The following CACNA2D1 variants were observed in gnomAD, a reference collection of about 807,000 sequenced individuals.
The protein encoded by CACNA2D1 is voltage-dependent calcium channel subunit alpha-2/delta-1.
CACNA2D1 carries 53 observed loss-of-function variants against 171.5 expected under a neutral mutation model. That is an observed-to-expected ratio of 0.31 (90% CI 0.25 to 0.39). CACNA2D1 has a LOEUF of 0.39. Among genes scored for constraint, CACNA2D1 ranks in the 10% least tolerant of loss-of-function variants. The pLI, the probability that CACNA2D1 is intolerant of heterozygous loss-of-function variation, is 1.00. For synonymous variants in CACNA2D1, 442 were observed against 443.1 expected, an observed-to-expected ratio of 1.00 and a Z score of 0.03; for missense variants, 903 against 1,299.8, an observed-to-expected ratio of 0.69 and a Z score of 4.69.
chr7:82,291,150 A>G (rs1462092007), intron 3 of CACNA2D1, among the ~76,000 whole-genome samples: 1 of 131,254 alleles, frequency 7.6e-6, no homozygotes, highest in Non-Finnish European at 1.5e-5. Context: ...ACTTGTACAT[A>G]TAATTCTATA....
intron 21 of CACNA2D1, among the ~76,000 whole-genome samples, chr7:81,985,220 A>C (rs1279858714): frequency 1.7e-5 from 1 of 59,174 alleles, no homozygotes; most frequent in Admixed American, 2.1e-4. Flanking sequence ...TTTTTTTTGG[A>C]GACAAGGTCT....
chr7:82,420,931 A>G (rs1212493661), intron 1 of CACNA2D1, among the ~76,000 whole-genome samples: 1 of 152,068 alleles, frequency 6.6e-6, no homozygotes, highest in Non-Finnish European at 1.5e-5. Context: ...CTTCAAGTCC[A>G]TATCCTTCAA....
At chr7:82,301,404 C>T (rs978196015) in intron 3 of CACNA2D1, among the ~76,000 whole-genome samples, 15 of 152,042 alleles carry the variant, frequency 9.9e-5, no homozygotes, top group African/African-American at 3.6e-4. Flanking sequence ...GGATTATAAG[C>T]GTGAGCCACC....
At chr7:81,996,487 GC>G (rs1289746535) in intron 19 of CACNA2D1, among the ~76,000 whole-genome samples, 1 of 151,828 alleles carries the variant, frequency 6.6e-6, no homozygotes, top group African/African-American at 2.4e-5. Flanking sequence ...GAATGCAAGA[GC>G]CAAGTTCTGC....
chr7:82,243,200 T>G (rs1804523780), intron 3 of CACNA2D1, among the ~76,000 whole-genome samples: 1 of 152,154 alleles, frequency 6.6e-6, no homozygotes, highest in African/African-American at 2.4e-5. Flanking sequence ...CTTCTTTAAC[T>G]TTTACCTCTG....
At chr7:82,407,822 T>C (rs1328469088) in intron 1 of CACNA2D1, among the ~76,000 whole-genome samples, 2 of 152,232 alleles carry the variant, frequency 1.3e-5, no homozygotes, top group South Asian at 2.1e-4. Context: ...ATCATTTCTA[T>C]TGAACTGATA....
rs546158679 is a variant in CACNA2D1, at chr7:82,325,124, CAT to C, written c.294+10009_294+10010del. Reference sequence around the variant, plus strand: ...GTTCTACTAACTGTAATGTAAATCACATGTTATTTTGTTAAAAACATTGAGAT... The same window carrying C: ...GTTCTACTAACTGTAATGTAAATCACGTTATTTTGTTAAAAACATTGAGAT... On this transcript the variant is annotated intron_variant, in intron 3 of 38. Transcript: ENST00000356860. Among the ~76,000 whole-genome samples, 144 of 152,290 alleles carry C rather than the reference CAT, an allele frequency of 9.5e-4. No individual in the cohort carries two copies. The Middle Eastern group carries it at 0.01, about 11-fold the overall frequency.
chr7:82,156,549 ATT>A (rs1794392821), intron 4 of CACNA2D1, among the ~76,000 whole-genome samples: 1 of 152,078 alleles, frequency 6.6e-6, no homozygotes, highest in African/African-American at 2.4e-5. Context: ...AAAAAAGAAA[ATT>A]ATATATCCTC....
At chr7:82,144,251 C>T (rs1365366878) in intron 4 of CACNA2D1, among the ~76,000 whole-genome samples, 1 of 151,946 alleles carries the variant, frequency 6.6e-6, no homozygotes, top group African/African-American at 2.4e-5. Flanking sequence ...ATACTAATAC[C>T]ATACTTCCTA....
chr7:82,325,496 C>A (rs577063321), intron 3 of CACNA2D1, among the ~76,000 whole-genome samples: 47 of 152,234 alleles, frequency 3.1e-4, no homozygotes, highest in African/African-American at 1.0e-3. Context: ...TACATGCCAA[C>A]TGGACAGACT....
At chr7:82,325,145 T>C (rs917144781) in intron 3 of CACNA2D1, among the ~76,000 whole-genome samples, 1 of 152,162 alleles carries the variant, frequency 6.6e-6, no homozygotes. Flanking sequence ...GTTAAAAACA[T>C]TGAGATTGGA....
In CACNA2D1 at chr7:81,969,952, G is replaced by A. The variant is rs779277828; in HGVS notation, c.2237C>T (p.Thr746Ile). 2 of 1,608,480 alleles carry A rather than the reference G, an allele frequency of 1.2e-6. No homozygotes were observed. Among genetic ancestry groups the A allele is most frequent in the South Asian group, 2.2e-5 (2 of 90,938 alleles). Residue 746 changes from threonine (T) to isoleucine (I), a missense_variant, in exon 28 of 39, where the codon ACA becomes ATA. Thr to Ile is a moderately conservative substitution (Grantham distance 89). This residue lies in a region of CACNA2D1 where 623 missense variants were observed against 925.5 expected (regional missense o/e 0.67). Coordinates refer to ENST00000356860, the MANE Select transcript of CACNA2D1 (RefSeq NM_000722.4). ...CCTTTTATAGAAGCTGTCCTCATATGTCTCTGGGTTTTCTTGCCAATTTTC... is the reference window on the plus strand; with the variant it reads ...CCTTTTATAGAAGCTGTCCTCATATATCTCTGGGTTTTCTTGCCAATTTTC... ...AGENWQENPE[T>I]YEDSFYKRSL...
intron 6 of CACNA2D1, among the ~76,000 whole-genome samples, chr7:82,109,683 T>C (rs956975073): frequency 2.0e-5 from 3 of 152,228 alleles, no homozygotes; most frequent in African/African-American, 7.2e-5. Context: ...AACATGGTAA[T>C]ATTTTGAGTT....
chr7:82,053,010 T>TCGGAGG (rs1805366577), intron 10 of CACNA2D1, among the ~76,000 whole-genome samples: 2 of 152,120 alleles, frequency 1.3e-5, no homozygotes, highest in Admixed American at 1.3e-4. Context: ...CCCAGCACAT[T>TCGGAGG]CGGAGGCAGA....
intron 20 of CACNA2D1, among the ~76,000 whole-genome samples, chr7:81,993,034 TATTTC>T (rs1331865075): frequency 6.6e-6 from 1 of 152,178 alleles, no homozygotes; most frequent in Non-Finnish European, 1.5e-5. Context: ...ATTTTAAACT[TATTTC>T]AGTAGTAATA....
chr7:82,141,864 C>T (rs551111462), intron 4 of CACNA2D1, among the ~76,000 whole-genome samples: 1 of 152,202 alleles, frequency 6.6e-6, no homozygotes, highest in Non-Finnish European at 1.5e-5. Flanking sequence ...TCCCTCAGTC[C>T]CTTCTCTAGA....
At chr7:82,026,283 A>T (rs184541757) in intron 12 of CACNA2D1, among the ~76,000 whole-genome samples, 31 of 151,602 alleles carry the variant, frequency 2.0e-4, no homozygotes, top group Non-Finnish European at 3.8e-4. Flanking sequence ...TTACATTTAA[A>T]ATTATTATTG....
intron 1 of CACNA2D1, among the ~76,000 whole-genome samples, chr7:82,374,820 C>A (rs928591943): frequency 4.0e-5 from 6 of 149,692 alleles, no homozygotes; most frequent in East Asian, 2.0e-4. Context: ...CAAAAGAATT[C>A]TTTCCCCTGG....
At chr7:82,287,840 T>C (rs1366786291) in intron 3 of CACNA2D1, among the ~76,000 whole-genome samples, 1 of 137,510 alleles carries the variant, frequency 7.3e-6, no homozygotes, top group Non-Finnish European at 1.6e-5. Context: ...ATCTCCTTAC[T>C]TTTTTTTGTT....
Sources: gnomAD v4.1 joint callset for allele counts (sites outside exome capture counted in the v4.1 genomes callset) on GRCh38, gnomAD v4.1.1 for gene constraint, gnomAD v4.1.1 regional missense constraint, MANE v1.5 for transcripts, NCBI Gene and HGNC (gene_info 2026-07-23, HGNC 2026-07-21) for gene names.